The following RAPGEF4 variants were observed in gnomAD, a reference collection of about 807,000 sequenced individuals.
The protein encoded by RAPGEF4 is Rap guanine nucleotide exchange factor 4.
Under a neutral mutation model 147.9 loss-of-function variants are expected in RAPGEF4, and 66 were observed. The ratio of observed to expected loss-of-function variants is 0.45; its 90% CI spans 0.37 to 0.55. RAPGEF4 has a LOEUF of 0.55. Ranked by LOEUF, RAPGEF4 falls within the 20% of genes least tolerant of loss-of-function variation. RAPGEF4 has a pLI of 0.00. For missense variants in RAPGEF4, 1,071 were observed against 1,257.3 expected (o/e 0.85, Z 2.24); for synonymous variants, 419 against 442.7 (o/e 0.95, Z 0.67).
intron 3 of RAPGEF4, among the ~76,000 whole-genome samples, chr2:172,805,691 C>T (rs983609540): frequency 1.4e-4 from 21 of 152,290 alleles, no homozygotes; most frequent in African/African-American, 4.8e-4. Flanking sequence ...CCTTCCATTT[C>T]GCCAATAATA....
chr2:172,821,957 A>AAGGACGT (rs1689114415), intron 4 of RAPGEF4: 2 of 1,613,662 alleles, frequency 1.2e-6, no homozygotes, highest in Non-Finnish European at 1.7e-6. Flanking sequence ...ACCGAAAAAG[A>AAGGACGT]AGGACGTATG....
chr2:172,960,615 C>T, intron 6 of RAPGEF4, 145 bp from the exon 7 acceptor site: 1 of 576,034 alleles, frequency 1.7e-6, no homozygotes. Flanking sequence ...CATTCAAGTT[C>T]TTTAGGCAGA....
chr2:173,033,714 G>T (rs539178428), intron 26 of RAPGEF4, among the ~76,000 whole-genome samples, 200 bp from the exon 27 acceptor site: 45 of 152,322 alleles, frequency 3.0e-4, no homozygotes, highest in African/African-American at 1.1e-3. Flanking sequence ...GTTCAGTTAG[G>T]TTAAAGACGT....
chr2:172,926,054 G>GGAGGGAGA (rs1685325836), intron 6 of RAPGEF4, among the ~76,000 whole-genome samples: 4 of 120,954 alleles, frequency 3.3e-5, no homozygotes, highest in Admixed American at 3.2e-4. Context: ...AGGGAGGGAG[G>GGAGGGAGA]GAGGGAGGGA....
At chr2:172,957,272 T>C (rs1232492236) in intron 6 of RAPGEF4, among the ~76,000 whole-genome samples, 2 of 152,252 alleles carry the variant, frequency 1.3e-5, no homozygotes, top group Non-Finnish European at 2.9e-5. Flanking sequence ...CTTCTCCTGT[T>C]TAACCTAAGA....
chr2:172,763,308 A>G (rs887001557), intron 1 of RAPGEF4, among the ~76,000 whole-genome samples: 1 of 152,230 alleles, frequency 6.6e-6, no homozygotes. Context: ...TATTTGTCAT[A>G]TATTGAACAA....
At chr2:172,884,348 T>C (rs555665866) in intron 4 of RAPGEF4, among the ~76,000 whole-genome samples, 1 of 152,362 alleles carries the variant, frequency 6.6e-6, no homozygotes, top group South Asian at 2.1e-4. Flanking sequence ...GGGAGGTAGA[T>C]TGATTAGGAA....
Position 173,030,891 on chromosome 2 carries a change from A to C in RAPGEF4, c.2649+637A>C, listed in dbSNP as rs1322252685. 2.6e-5 allele frequency among the ~76,000 whole-genome samples: 4 copies of C among 152,348 alleles called. No individual in the cohort carries two copies. The East Asian group carries it at 7.7e-4, about 29-fold the overall frequency. ...GAGTTGGGTATTCAAGCTAGAAAAC[A>C]TCTTCATTTATTATTAGCTTTGTAC... On this transcript the variant is annotated intron_variant, in intron 26 of 30. Coordinates refer to ENST00000397081, the MANE Select transcript of RAPGEF4 (RefSeq NM_007023.4).
At chr2:172,979,336 C>G (rs1313710177) in intron 10 of RAPGEF4, among the ~76,000 whole-genome samples, 4 of 152,184 alleles carry the variant, frequency 2.6e-5, no homozygotes, top group Non-Finnish European at 5.9e-5. Flanking sequence ...CTAAATTCAG[C>G]ATGAATCATG....
At chr2:172,810,931 G>C (rs1687961368) in intron 3 of RAPGEF4, among the ~76,000 whole-genome samples, 1 of 152,198 alleles carries the variant, frequency 6.6e-6, no homozygotes, top group Non-Finnish European at 1.5e-5. Context: ...TTGGCTACAA[G>C]TGGTTTTTTA....
chr2:172,766,917 T>C (rs183404224), intron 1 of RAPGEF4, among the ~76,000 whole-genome samples: 4 of 152,320 alleles, frequency 2.6e-5, no homozygotes, highest in Admixed American at 2.6e-4. Flanking sequence ...TGAAACTGTG[T>C]GCAAGGAAAG....
intron 6 of RAPGEF4, among the ~76,000 whole-genome samples, chr2:172,960,013 A>C (rs76820925): frequency 0.034 from 5,226 of 152,188 alleles, 141 homozygotes; most frequent in South Asian, 0.11. Flanking sequence ...TGAGCCTGGG[A>C]GTTCAAGGCT....
chr2:172,863,458 CTTATTTAAG>C (rs971057991), intron 4 of RAPGEF4, among the ~76,000 whole-genome samples: 13 of 152,232 alleles, frequency 8.5e-5, no homozygotes, highest in African/African-American at 3.1e-4. Flanking sequence ...AATCTTGGAA[CTTATTTAAG>C]TTTTCCTGAG....
intron 4 of RAPGEF4, among the ~76,000 whole-genome samples, chr2:172,915,098 A>T (rs1434381029): frequency 6.6e-6 from 1 of 152,230 alleles, no homozygotes; most frequent in Non-Finnish European, 1.5e-5. Context: ...GTGAATGTTT[A>T]TTAAAAAGTG....
intron 4 of RAPGEF4, among the ~76,000 whole-genome samples, chr2:172,912,004 C>A (rs1700144443): frequency 6.6e-6 from 1 of 151,814 alleles, no homozygotes; most frequent in African/African-American, 2.4e-5. Flanking sequence ...TGGCCTCAAG[C>A]AATCCTCCCA....
At chr2:172,983,449 A>G (rs1380086944) in intron 10 of RAPGEF4, 47 bp from the exon 11 acceptor site, 1 of 1,574,024 alleles carries the variant, frequency 6.4e-7, no homozygotes, top group Non-Finnish European at 8.5e-7. Flanking sequence ...TTGAGGCCCT[A>G]GTGATGCCCT....
intron 4 of RAPGEF4, among the ~76,000 whole-genome samples, chr2:172,822,492 T>G (rs1375916545): frequency 6.6e-6 from 1 of 152,128 alleles, no homozygotes; most frequent in Non-Finnish European, 1.5e-5. Context: ...TAACTAAGAG[T>G]TCTACCTGCT....
chr2:172,864,386 G>C (rs1694385006), intron 4 of RAPGEF4, among the ~76,000 whole-genome samples: 1 of 152,168 alleles, frequency 6.6e-6, no homozygotes, highest in Admixed American at 6.5e-5. Flanking sequence ...GGGCTTCATG[G>C]CTCCCTGGAT....
intron 4 of RAPGEF4, among the ~76,000 whole-genome samples, chr2:172,846,106 A>G (rs1422450498): frequency 6.6e-6 from 1 of 152,212 alleles, no homozygotes; most frequent in East Asian, 1.9e-4. Context: ...TGTACTTTAT[A>G]TATCATAAAC....
Sources: gnomAD v4.1 joint callset for allele counts (sites outside exome capture counted in the v4.1 genomes callset) on GRCh38, gnomAD v4.1.1 for gene constraint, MANE v1.5 for transcripts, NCBI Gene and HGNC (gene_info 2026-07-23, HGNC 2026-07-21) for gene names.